The following SLC24A2 variants were observed in gnomAD, a reference collection of about 807,000 sequenced individuals.
SLC24A2 encodes solute carrier family 24 member 2.
In SLC24A2, 36 loss-of-function variants were observed where a neutral mutation model predicts 62.0. The observed-to-expected ratio is 0.58, with a 90% confidence interval of 0.44 to 0.77. SLC24A2 has a LOEUF of 0.77. SLC24A2 is among the 30% of genes least tolerant of loss of function. The pLI is 0.00. For synonymous variants in SLC24A2, 358 were observed against 294.0 expected (o/e 1.22, Z -2.23); for missense variants, 846 against 817.9 (o/e 1.03, Z -0.42).
At chr9:19,666,112 AT>A (rs940346101) in intron 2 of SLC24A2, among the ~76,000 whole-genome samples, 2 of 152,166 alleles carry the variant, frequency 1.3e-5, no homozygotes, top group African/African-American at 2.4e-5. Context: ...CATCTTACTC[AT>A]TTTTATTATT....
chr9:19,923,527 T>C, the SLC24A2 span, among the ~76,000 whole-genome samples: 1 of 152,142 alleles, frequency 6.6e-6, no homozygotes, highest in African/African-American at 2.4e-5. Flanking sequence ...AGCAGTCCTT[T>C]GTCATTTATT....
the SLC24A2 span, among the ~76,000 whole-genome samples, chr9:20,105,095 CAAAG>C: frequency 6.6e-6 from 1 of 152,192 alleles, no homozygotes; most frequent in East Asian, 1.9e-4. Context: ...TCAAAAGAGA[CAAAG>C]AAGGCCATTA....
chr9:20,224,287 T>C, the SLC24A2 span, among the ~76,000 whole-genome samples: 1,478 of 152,102 alleles, frequency 9.7e-3, 22 homozygotes, highest in African/African-American at 0.034. Flanking sequence ...TCAAGCTAGA[T>C]AAGGATTTCT....
chr9:20,271,224 C>T, the SLC24A2 span, among the ~76,000 whole-genome samples: 1 of 152,220 alleles, frequency 6.6e-6, no homozygotes, highest in Non-Finnish European at 1.5e-5. Context: ...GTTGTCTGTG[C>T]TGGCTGGATG....
chr9:19,874,095 T>TTC, the SLC24A2 span, among the ~76,000 whole-genome samples: 1 of 119,312 alleles, frequency 8.4e-6, no homozygotes, highest in African/African-American at 2.9e-5. Context: ...TTTTTTTTTT[T>TTC]TTGAGACAGA....
chr9:19,964,366 A>AAAT, the SLC24A2 span, among the ~76,000 whole-genome samples: 59 of 151,404 alleles, frequency 3.9e-4, no homozygotes, highest in African/African-American at 1.3e-3. Flanking sequence ...ACTTAAAGTA[A>AAAT]AATAATAATA....
chr9:20,177,084 T>C, the SLC24A2 span, among the ~76,000 whole-genome samples: 2 of 152,150 alleles, frequency 1.3e-5, no homozygotes, highest in Non-Finnish European at 2.9e-5. Context: ...TAGGTCTCCA[T>C]AGCAAATATT....
chr9:19,660,572 G>A (rs1386099809), intron 2 of SLC24A2, among the ~76,000 whole-genome samples: 1 of 152,182 alleles, frequency 6.6e-6, no homozygotes, highest in African/African-American at 2.4e-5. Context: ...GCTAAGTAAA[G>A]AGAAAGATTG....
the SLC24A2 span, among the ~76,000 whole-genome samples, chr9:20,278,310 T>C: frequency 6.6e-6 from 1 of 152,190 alleles, no homozygotes; most frequent in African/African-American, 2.4e-5. Context: ...ATTTTTGAAC[T>C]CTTATGCTCT....
chr9:20,038,200 T>C, the SLC24A2 span, among the ~76,000 whole-genome samples: 2 of 152,226 alleles, frequency 1.3e-5, no homozygotes, highest in Admixed American at 1.3e-4. Flanking sequence ...ATTCCACCTC[T>C]GCCATTTCCC....
chr9:19,642,303 G>C (rs139175249), intron 2 of SLC24A2, among the ~76,000 whole-genome samples: 13 of 152,298 alleles, frequency 8.5e-5, no homozygotes, highest in African/African-American at 3.1e-4. Flanking sequence ...GATCTTAGTA[G>C]GTACAGCTAG....
chr9:20,100,500 T>C, the SLC24A2 span, among the ~76,000 whole-genome samples: 20 of 152,358 alleles, frequency 1.3e-4, no homozygotes, highest in South Asian at 1.0e-3. Flanking sequence ...ACATTTCTCA[T>C]CATAAGTGCA....
chr9:19,749,663 A>G (rs1821927914), intron 2 of SLC24A2, among the ~76,000 whole-genome samples: 1 of 152,232 alleles, frequency 6.6e-6, no homozygotes, highest in Non-Finnish European at 1.5e-5. Flanking sequence ...ATAAACAATG[A>G]ATCATTTTTA....
chr9:20,274,964 CCCTCAATCCCCA>C, the SLC24A2 span, among the ~76,000 whole-genome samples: 202 of 152,208 alleles, frequency 1.3e-3, 1 homozygote, highest in African/African-American at 4.6e-3. Context: ...ATGACTTTCT[CCCTCAATCCCCA>C]CCTCAGTCAG....
At chr9:19,851,028 T>TATATATATATA in the SLC24A2 span, among the ~76,000 whole-genome samples, 13 of 61,290 alleles carry the variant, frequency 2.1e-4, no homozygotes, top group East Asian at 4.6e-4. Flanking sequence ...TATATACATA[T>TATATATATATA]TTTTTTTTTT....
At chr9:19,975,069 C>T in the SLC24A2 span, among the ~76,000 whole-genome samples, 792 of 152,220 alleles carry the variant, frequency 5.2e-3, 7 homozygotes, top group Non-Finnish European at 6.7e-3. Flanking sequence ...CATGGTCATC[C>T]CTAAGGGAGG....
At chr9:19,873,558 C>G in the SLC24A2 span, among the ~76,000 whole-genome samples, 1 of 143,902 alleles carries the variant, frequency 6.9e-6, no homozygotes, top group Non-Finnish European at 1.5e-5. Context: ...TTCTTTCTCT[C>G]TCTCTCTTTC....
chr9:19,769,790 T>G (rs1335731403), intron 2 of SLC24A2, among the ~76,000 whole-genome samples: 1 of 152,106 alleles, frequency 6.6e-6, no homozygotes, highest in Non-Finnish European at 1.5e-5. Flanking sequence ...CCAGAAAAGA[T>G]GGCACCTTTC....
At chr9:20,194,700 C>A in the SLC24A2 span, among the ~76,000 whole-genome samples, 1 of 152,068 alleles carries the variant, frequency 6.6e-6, no homozygotes, top group Admixed American at 6.6e-5. Flanking sequence ...CTATCCCTGT[C>A]TCTCACAGTA....
Sources: allele counts gnomAD v4.1 joint callset (sites outside exome capture counted in the v4.1 genomes callset), GRCh38; gene constraint gnomAD v4.1.1; transcripts MANE v1.5; gene names NCBI Gene and HGNC (gene_info 2026-07-23, HGNC 2026-07-21).